The following GPRIN2 variants were observed in gnomAD, a reference collection of about 807,000 sequenced individuals.
GPRIN2 encodes G protein-regulated inducer of neurite outgrowth 2.
Under a neutral mutation model 0.3 loss-of-function variants are expected in GPRIN2, and 1 was observed. The ratio of observed to expected loss-of-function variants is 3.90; its 90% confidence interval spans 1.39 to 18.51. The LOEUF (loss-of-function observed/expected upper bound fraction) is 18.51, where lower values mean the gene tolerates loss of function less well. GPRIN2 is among the 30% of genes most tolerant of loss of function. The pLI is 0.11. For synonymous variants in GPRIN2, 361 were observed against 258.6 expected (o/e 1.40, Z -3.80); for missense variants, 880 against 604.2 (o/e 1.46, Z -4.79).
Position 46,545,955 on chromosome 10 carries a change from C to T in GPRIN2, c.*3405G>A, listed in dbSNP as rs1383439422. On this transcript the variant is annotated 3_prime_UTR_variant, in exon 3 of 3. Transcript: ENST00000374314. Reference sequence around the variant, plus strand: ...TCCAGATTCAAACTCCAGCTTTAGCCCACTAAGCTACGGTGGCCAACCCCA... The same window carrying T: ...TCCAGATTCAAACTCCAGCTTTAGCTCACTAAGCTACGGTGGCCAACCCCA... Among the ~76,000 whole-genome samples the T allele has an allele frequency of 6.6e-6, 1 of 152,306 alleles. No homozygotes were observed. The highest frequency in any genetic ancestry group is 1.5e-5 in the Non-Finnish European group (1 of 68,056).
Position 46,545,174 on chromosome 10 carries a change from A to T in GPRIN2, c.*4186T>A, listed in dbSNP as rs1242777018. Reference sequence around the variant, plus strand: ...ACAAGCTTGGCATGACATGGATGCAAATGTCAATGGGTGCACCCCCAGATG... The same window carrying T: ...ACAAGCTTGGCATGACATGGATGCATATGTCAATGGGTGCACCCCCAGATG... On this transcript the variant is annotated 3_prime_UTR_variant, in exon 3 of 3. Coordinates refer to ENST00000374314, the MANE Select transcript of GPRIN2 (RefSeq NM_001385282.1). 3.3e-5 allele frequency among the ~76,000 whole-genome samples: 5 copies of T among 152,426 alleles called. No individual in the cohort carries two copies. Among genetic ancestry groups the T allele is most frequent in the South Asian group, 2.1e-4 (1 of 4,834 alleles).
At position 46,541,829 on chromosome 10, in the gene GPRIN2, A is replaced by T. The variant is rs1841787080; in HGVS notation, c.*7531T>A. 6.6e-6 allele frequency among the ~76,000 whole-genome samples: 1 copy of T among 152,310 alleles called. No individual in the cohort carries two copies. Among genetic ancestry groups the T allele is most frequent in the African/African-American group, 2.4e-5 (1 of 41,488 alleles). ...AAATGATAAAATATCAAAAATTTCAATAAAGCAGCATCCGACTTCCTGCCC... is the reference window on the plus strand; with the variant it reads ...AAATGATAAAATATCAAAAATTTCATTAAAGCAGCATCCGACTTCCTGCCC... On this transcript the variant is annotated 3_prime_UTR_variant, in exon 3 of 3. Coordinates refer to ENST00000374314, the MANE Select transcript of GPRIN2 (RefSeq NM_001385282.1).
intron 1 of GPRIN2, among the ~76,000 whole-genome samples, chr10:46,556,041 C>T: frequency 6.6e-6 from 1 of 152,428 alleles, no homozygotes; most frequent in African/African-American, 2.4e-5. Flanking sequence ...GGGCCCGAAA[C>T]GAGGCTACAG....
chr10:46,546,951 G>C lies in GPRIN2; in HGVS notation c.*2409C>G, dbSNP rs1832874915. Among the ~76,000 whole-genome samples, 11 of 152,424 alleles carry C rather than the reference G, an allele frequency of 7.2e-5. No homozygotes were observed. Among genetic ancestry groups the C allele is most frequent in the Admixed American group, 3.9e-4 (6 of 15,310 alleles). On this transcript the variant is annotated 3_prime_UTR_variant, in exon 3 of 3. Coordinates refer to ENST00000374314, the MANE Select transcript of GPRIN2 (RefSeq NM_001385282.1). ...CCCGGCCTGCCATCCTGGCAAGCCA[G>C]GGCAGCATGGAGGTAGCACAGAGTG...
chr10:46,541,816 A>G lies in GPRIN2; in HGVS notation c.*7544T>C, dbSNP rs1308942973. Among the ~76,000 whole-genome samples the G allele has an allele frequency of 1.3e-5, 2 of 152,308 alleles. No homozygotes were observed. Among genetic ancestry groups the G allele is most frequent in the Non-Finnish European group, 2.9e-5 (2 of 68,058 alleles). Reference sequence around the variant, plus strand: ...AAAACTAATGAAAAAATGATAAAATATCAAAAATTTCAATAAAGCAGCATC... The same window carrying G: ...AAAACTAATGAAAAAATGATAAAATGTCAAAAATTTCAATAAAGCAGCATC... On this transcript the variant is annotated 3_prime_UTR_variant, in exon 3 of 3. Coordinates refer to ENST00000374314, the MANE Select transcript of GPRIN2 (RefSeq NM_001385282.1).
rs1833046102 is a variant in GPRIN2, at chr10:46,543,054, G to A, written c.*6306C>T. On this transcript the variant is annotated 3_prime_UTR_variant, in exon 3 of 3. Transcript: ENST00000374314. Reference sequence around the variant, plus strand: ...CACTGACAACTGATTTCTCATTCTGGGCAAAAGCAATGGAAACTTGGCACA... The same window carrying A: ...CACTGACAACTGATTTCTCATTCTGAGCAAAAGCAATGGAAACTTGGCACA... Among the ~76,000 whole-genome samples the A allele has an allele frequency of 7.8e-4, 119 of 152,384 alleles. No individual in the cohort carries two copies. The East Asian group carries it at 0.017, about 22-fold the overall frequency.
chr10:46,552,262 G>A (rs1842698573), intron 2 of GPRIN2, among the ~76,000 whole-genome samples: 1 of 152,298 alleles, frequency 6.6e-6, no homozygotes. Context: ...TGGGGTCAAA[G>A]TGTCTGGGCC....
In GPRIN2 at chr10:46,550,705, C is replaced by G. The variant is rs1842504650; in HGVS notation, c.32G>C (p.Trp11Ser). Residue 11 changes from tryptophan (W) to serine (S), a missense_variant, in exon 3 of 3, where the codon TGG becomes TCG. Trp to Ser is a radical substitution (Grantham distance 177, BLOSUM62 -3). Transcript: ENST00000374314. ...CTGAAGGCGGGGGCTCAGGGGTGCC[C>G]AGGGACCCGGCTCGGGGCGGCTGGA... MSSSRPEPGP[W>S]APLSPRLQPL... 2.0e-6 allele frequency: 3 copies of G among 1,510,296 alleles called. No homozygotes were observed. The highest frequency in any genetic ancestry group is 1.8e-6 in the Non-Finnish European group (2 of 1,131,748). The allele number at this position is 1,510,296 out of a possible 1,614,324, so 93.6% of individuals were successfully genotyped here.
At chr10:46,553,706 C>T (rs1422414883) in intron 2 of GPRIN2, among the ~76,000 whole-genome samples, 6 of 152,308 alleles carry the variant, frequency 3.9e-5, no homozygotes, top group African/African-American at 1.4e-4. Flanking sequence ...TATTGGTTCC[C>T]TTCCCCATTC....
chr10:46,552,180 A>G (rs1842688665), intron 2 of GPRIN2, among the ~76,000 whole-genome samples: 1 of 149,284 alleles, frequency 6.7e-6, no homozygotes, highest in Non-Finnish European at 1.5e-5. Context: ...GAGAAGCAAG[A>G]AGGTGTTCAG....
In GPRIN2 at chr10:46,550,629, C is replaced by G. The variant is rs781898959; in HGVS notation, c.108G>C (p.Arg36Ser). The change falls in exon 3 of 3, where the codon AGG becomes AGC. Residue 36 changes from arginine (R) to serine (S), a missense_variant. Physicochemically the swap from Arg to Ser is moderately radical, Grantham distance 110. Coordinates refer to ENST00000374314, the MANE Select transcript of GPRIN2 (RefSeq NM_001385282.1). Reference protein sequence around the residue: ...SSLLGEGREQRPELRKTASST... With the variant: ...SSLLGEGREQSPELRKTASST... ...TGCTGGCAGTCTTGCGGAGCTCTGGCCTCTGTTCCCGGCCTTCACCCAGCA... is the reference window on the plus strand; with the variant it reads ...TGCTGGCAGTCTTGCGGAGCTCTGGGCTCTGTTCCCGGCCTTCACCCAGCA... 6.3e-7 allele frequency: 1 copy of G among 1,577,446 alleles called. No individual in the cohort carries two copies. The highest frequency in any genetic ancestry group is 8.6e-7 in the Non-Finnish European group (1 of 1,162,486).
Position 46,549,495 on chromosome 10 carries a change from C to T in GPRIN2, c.1242G>A (p.Gln414=), listed in dbSNP as rs113105843. ...GVAIQKHLEM[Q]FEQLQRAPAS... is the part of the protein sequence containing the mutation. ...CGGGCGCCCGCTGCAGCTGCTCAAA[C>T]TGCATCTCCAGGTGCTTCTGGATGG... The change falls in exon 3 of 3, where the codon CAG becomes CAA. Residue 414 remains glutamine (Q), a synonymous_variant. Transcript: ENST00000374314. 44 of 1,612,932 alleles carry T rather than the reference C, an allele frequency of 2.7e-5. No homozygotes were observed. In the African/African-American group the frequency reaches 3.3e-4, roughly 12 times the overall value.
rs1832784452 is a variant in GPRIN2 at position 46,548,800 on chromosome 10, G to A, written c.*560C>T. 5.9e-5 allele frequency among the ~76,000 whole-genome samples: 9 copies of A among 152,422 alleles called. No individual in the cohort carries two copies. The highest frequency in any genetic ancestry group is 4.1e-4 in the South Asian group (2 of 4,834). On this transcript the variant is annotated 3_prime_UTR_variant, in exon 3 of 3. Transcript: ENST00000374314. ...GTCCCACCTCTTCAAGCTGTCCAGC[G>A]TGGGGCACATCGGCTACAGCCTTGC...
In GPRIN2 at chr10:46,545,631, C is replaced by T. The variant is rs1832937140; in HGVS notation, c.*3729G>A. Among the ~76,000 whole-genome samples the T allele has an allele frequency of 6.6e-6, 1 of 152,410 alleles. No individual in the cohort carries two copies. The highest frequency in any genetic ancestry group is 6.5e-5 in the Admixed American group (1 of 15,314). Reference sequence around the variant, plus strand: ...GGGTGCAAAGCTGTGGGGCGAGGAACCTGGAAAGAGGCTCTGAACAAGGGA... The same window carrying T: ...GGGTGCAAAGCTGTGGGGCGAGGAATCTGGAAAGAGGCTCTGAACAAGGGA... On this transcript the variant is annotated 3_prime_UTR_variant, in exon 3 of 3. Transcript: ENST00000374314.
rs1361073333 is a variant in GPRIN2 at position 46,545,889 on chromosome 10, C to A, written c.*3471G>T. On this transcript the variant is annotated 3_prime_UTR_variant, in exon 3 of 3. Transcript: ENST00000374314. ...TGAGGAAGATGATCAAGGCTTGTAACTTGCCCAAGATCACATGGCTATAGG... is the reference window on the plus strand; with the variant it reads ...TGAGGAAGATGATCAAGGCTTGTAAATTGCCCAAGATCACATGGCTATAGG... Among the ~76,000 whole-genome samples, 1 of 152,312 alleles carries A rather than the reference C, an allele frequency of 6.6e-6. No homozygotes were observed.
rs1842187254 is a variant in GPRIN2 at position 46,546,666 on chromosome 10, G to C, written c.*2694C>G. Among the ~76,000 whole-genome samples, 1 of 152,308 alleles carries C rather than the reference G, an allele frequency of 6.6e-6. No homozygotes were observed. Among genetic ancestry groups the C allele is most frequent in the Non-Finnish European group, 1.5e-5 (1 of 68,056 alleles). On this transcript the variant is annotated 3_prime_UTR_variant, in exon 3 of 3. Transcript: ENST00000374314. ...TGCTCTGGGGCCCTAAACCACTGCA[G>C]GCATCAGGGCTGTTCCAGGAGAGGG...
At chr10:46,553,112 G>A (rs1385294604) in intron 2 of GPRIN2, among the ~76,000 whole-genome samples, 2 of 152,308 alleles carry the variant, frequency 1.3e-5, no homozygotes, top group Non-Finnish European at 2.9e-5. Context: ...TCTACAGACA[G>A]GAGAATTCCA....
At position 46,545,737 on chromosome 10, in the gene GPRIN2, G is replaced by A; in HGVS notation, c.*3623C>T. 6.6e-6 allele frequency among the ~76,000 whole-genome samples: 1 copy of A among 152,312 alleles called. No individual in the cohort carries two copies. Among genetic ancestry groups the A allele is most frequent in the East Asian group, 1.9e-4 (1 of 5,208 alleles). Reference sequence around the variant, plus strand: ...GTGGCCCCTGAATGTGGCTATGAGAGGGGTGCCCAACACTACCAGCCTGTG... The same window carrying A: ...GTGGCCCCTGAATGTGGCTATGAGAAGGGTGCCCAACACTACCAGCCTGTG... On this transcript the variant is annotated 3_prime_UTR_variant, in exon 3 of 3. Transcript: ENST00000374314.
chr10:46,555,809 A>G (rs1831884296), intron 1 of GPRIN2, among the ~76,000 whole-genome samples: 2 of 152,422 alleles, frequency 1.3e-5, no homozygotes, highest in East Asian at 3.9e-4. Flanking sequence ...GTGTGTCCCT[A>G]TCTGCACGCT....
Sources: gnomAD v4.1 joint callset for allele counts (sites outside exome capture counted in the v4.1 genomes callset) on GRCh38, gnomAD v4.1.1 for gene constraint, MANE v1.5 for transcripts, NCBI Gene and HGNC (gene_info 2026-07-23, HGNC 2026-07-21) for gene names.